P3H2: variants seen among roughly 807,000 people sequenced by gnomAD.
The protein encoded by P3H2 is leprecan-like 1.
Under a neutral mutation model 87.0 loss-of-function variants are expected in P3H2, and 80 were observed. That is an observed-to-expected ratio of 0.92 (90% confidence interval 0.77 to 1.11). The LOEUF is 1.11. Among genes scored for constraint, P3H2 ranks in the 50% least tolerant of loss-of-function variants. P3H2 has a pLI of 0.00. For synonymous variants in P3H2, 367 were observed against 359.3 expected, an observed-to-expected ratio of 1.02 and a Z score of -0.24; for missense variants, 1,001 against 923.9, an observed-to-expected ratio of 1.08 and a Z score of -1.08.
intron 1 of P3H2, among the ~76,000 whole-genome samples, chr3:190,006,097 A>T (rs1363521787): frequency 2.6e-5 from 4 of 152,228 alleles, no homozygotes; most frequent in African/African-American, 9.6e-5. Context: ...ATTAGAAAGA[A>T]AGTTCTAGTC....
At chr3:190,084,226 C>T (rs1481540211) in intron 1 of P3H2, among the ~76,000 whole-genome samples, 2 of 152,152 alleles carry the variant, frequency 1.3e-5, no homozygotes, top group African/African-American at 4.8e-5. Flanking sequence ...CATTCACTTC[C>T]TTTACACTAT....
intron 14 of P3H2, among the ~76,000 whole-genome samples, chr3:189,961,852 T>C (rs1216844933): frequency 6.6e-6 from 1 of 152,208 alleles, no homozygotes; most frequent in Non-Finnish European, 1.5e-5. Flanking sequence ...TTAGCTTATT[T>C]TGAGAGAACA....
intron 14 of P3H2, among the ~76,000 whole-genome samples, chr3:189,962,481 A>AT (rs1160437243): frequency 2.0e-5 from 3 of 152,066 alleles, no homozygotes; most frequent in Non-Finnish European, 4.4e-5. Flanking sequence ...AGCCAGGGCC[A>AT]TTTTTTCTAT....
intron 1 of P3H2, among the ~76,000 whole-genome samples, chr3:190,032,475 A>G (rs1264491375): frequency 2.0e-5 from 3 of 152,154 alleles, no homozygotes; most frequent in African/African-American, 7.2e-5. Context: ...TCACAAAAAG[A>G]AGGAGGAAGA....
chr3:190,078,564 T>C (rs992326882), intron 1 of P3H2, among the ~76,000 whole-genome samples: 1 of 152,058 alleles, frequency 6.6e-6, no homozygotes, highest in African/African-American at 2.4e-5. Context: ...AAACTTCTAA[T>C]CAAGCAAAGG....
rs573017260 is a variant in P3H2 at position 190,023,450 on chromosome 3, G to T, written c.481-28008C>A. On this transcript the variant is annotated intron_variant, in intron 1 of 14. Coordinates refer to ENST00000319332, the MANE Select transcript of P3H2 (RefSeq NM_018192.4). ...ACTTACAACCAGGGAGGATGGCGAA[G>T]GGGAAGCAATGAACCTTCTTTACGA... Among the ~76,000 whole-genome samples the T allele has an allele frequency of 5.9e-5, 9 of 152,310 alleles. No homozygotes were observed. The South Asian group carries it at 1.9e-3, about 32-fold the overall frequency.
chr3:190,109,605 A>C (rs540781976), intron 1 of P3H2, among the ~76,000 whole-genome samples: 2 of 152,208 alleles, frequency 1.3e-5, no homozygotes, highest in African/African-American at 2.4e-5. Flanking sequence ...AGAGAAAACT[A>C]TCTGGTCTTT....
At chr3:189,973,154 A>G (rs1357291380) in intron 10 of P3H2, 130 bp from the exon 11 acceptor site, 9 of 780,312 alleles carry the variant, frequency 1.2e-5, no homozygotes, top group Admixed American at 5.5e-5. Flanking sequence ...AGGCTACTAC[A>G]TATTTGTGGA....
At chr3:189,966,776 C>T (rs1408976888) in intron 13 of P3H2, among the ~76,000 whole-genome samples, 1 of 152,132 alleles carries the variant, frequency 6.6e-6, no homozygotes. Context: ...AAACAAATGC[C>T]GCTATTGAAA....
intron 3 of P3H2, among the ~76,000 whole-genome samples, chr3:189,991,077 A>G (rs1723863310): frequency 6.6e-6 from 1 of 152,226 alleles, no homozygotes; most frequent in South Asian, 2.1e-4. Flanking sequence ...ACAGTTAACT[A>G]TAATAAAGGA....
chr3:189,962,466 C>T (rs1273049602), intron 14 of P3H2, among the ~76,000 whole-genome samples: 1 of 152,224 alleles, frequency 6.6e-6, no homozygotes, highest in African/African-American at 2.4e-5. Flanking sequence ...TGAGCCACCA[C>T]GCCCAGCCAG....
chr3:190,057,696 T>G (rs1726202690), intron 1 of P3H2, among the ~76,000 whole-genome samples: 1 of 152,202 alleles, frequency 6.6e-6, no homozygotes, highest in Non-Finnish European at 1.5e-5. Flanking sequence ...TGATGTGGTG[T>G]GGCCTCTGTT....
chr3:190,004,442 G>T (rs1374602653), intron 1 of P3H2, among the ~76,000 whole-genome samples: 1 of 152,106 alleles, frequency 6.6e-6, no homozygotes, highest in Non-Finnish European at 1.5e-5. Context: ...GAGTGCAGTG[G>T]CGGGATCTCG....
chr3:189,968,195 T>C (rs1261887651), intron 13 of P3H2, among the ~76,000 whole-genome samples: 1 of 152,214 alleles, frequency 6.6e-6, no homozygotes. Context: ...ACATGTGCCA[T>C]GGTGGTTTGC....
chr3:189,985,536 A>C (rs1169643691), intron 6 of P3H2, among the ~76,000 whole-genome samples: 1 of 151,074 alleles, frequency 6.6e-6, no homozygotes, highest in Non-Finnish European at 1.5e-5. Context: ...AGATAGTGTT[A>C]GTATTAAAAT....
chr3:190,118,502 A>C (rs1269206075), intron 1 of P3H2, among the ~76,000 whole-genome samples: 1 of 151,772 alleles, frequency 6.6e-6, no homozygotes, highest in East Asian at 2.0e-4. Flanking sequence ...ACTTAGAAGA[A>C]ATTAGAGTTA....
intron 1 of P3H2, among the ~76,000 whole-genome samples, chr3:190,117,809 TC>T (rs1712356360): frequency 6.6e-6 from 1 of 152,064 alleles, no homozygotes; most frequent in Non-Finnish European, 1.5e-5. Context: ...GTTCACAAAC[TC>T]CAACTTTCAA....
Position 190,098,061 on chromosome 3 carries a change from T to C in P3H2, c.480+22191A>G, listed in dbSNP as rs149056624. Among the ~76,000 whole-genome samples the C allele has an allele frequency of 2.9e-3, 435 of 152,326 alleles. 5 individuals carry two copies. Among genetic ancestry groups the C allele is most frequent in the African/African-American group, 1.0e-2 (415 of 41,584 alleles). ...AAAATAAAAAAACATTTTATGAATA[T>C]GGTAAAAGTAATTTTTTAAAAATGA... On this transcript the variant is annotated intron_variant, in intron 1 of 14. Transcript: ENST00000319332.
In P3H2 at chr3:190,021,598, C is replaced by T. The variant is rs1051583006; in HGVS notation, c.481-26156G>A. ...TCTTTCAGTTTTAAAAAATAAAATCCATACTTCTGGCTTAAATTGCACACA... is the reference window on the plus strand; with the variant it reads ...TCTTTCAGTTTTAAAAAATAAAATCTATACTTCTGGCTTAAATTGCACACA... On this transcript the variant is annotated intron_variant, in intron 1 of 14. Coordinates refer to ENST00000319332, the MANE Select transcript of P3H2 (RefSeq NM_018192.4). Among the ~76,000 whole-genome samples the T allele has an allele frequency of 3.7e-5, 5 of 134,106 alleles. 1 individual carries two copies. Among genetic ancestry groups the T allele is most frequent in the Non-Finnish European group, 8.3e-5 (5 of 60,070 alleles). The allele number at this position is 134,106 out of a possible 152,430, so 88.0% of individuals were successfully genotyped here.
Sources: allele counts gnomAD v4.1 joint callset (sites outside exome capture counted in the v4.1 genomes callset), GRCh38; gene constraint gnomAD v4.1.1; transcripts MANE v1.5; gene names NCBI Gene and HGNC (gene_info 2026-07-23, HGNC 2026-07-21).